The following CLEC7A variants were observed in gnomAD, a reference collection of about 807,000 sequenced individuals.
CLEC7A encodes the protein C-type lectin domain containing 7A, also known as C-type lectin domain family 7 member A.
CLEC7A carries 25 observed loss-of-function variants against 26.9 expected under a neutral mutation model. That is an observed-to-expected ratio of 0.93 (90% CI 0.68 to 1.30). The LOEUF is 1.30. CLEC7A is among the 50% of genes most tolerant of loss of function. The pLI, the probability that CLEC7A is intolerant of heterozygous loss-of-function variation, is 0.00. For synonymous variants in CLEC7A, 100 were observed against 99.5 expected, an observed-to-expected ratio of 1.01 and a Z score of -0.03; for missense variants, 275 against 286.7, an observed-to-expected ratio of 0.96 and a Z score of 0.29.
intron 2 of CLEC7A, 145 bp from the exon 3 acceptor site, chr12:10,126,853 G>T: frequency 3.1e-6 from 2 of 639,858 alleles, no homozygotes; most frequent in Non-Finnish European, 2.5e-6. Context: ...GCTGTGGAGA[G>T]ATAAAGACGA....
At chr12:10,119,175 T>C (rs1488564376) in intron 5 of CLEC7A, among the ~76,000 whole-genome samples, 1 of 152,234 alleles carries the variant, frequency 6.6e-6, no homozygotes, top group Non-Finnish European at 1.5e-5. Flanking sequence ...CAGTTTGGTC[T>C]TCAATCTCCT....
intron 2 of CLEC7A, chr12:10,127,458 A>G (rs567925229): frequency 1.2e-6 from 2 of 1,613,254 alleles, no homozygotes; most frequent in Middle Eastern, 1.6e-4. Context: ...TAAGGGAGGT[A>G]GGAGAGCAAT....
chr12:10,129,253 AT>A (rs1378709310), intron 1 of CLEC7A, among the ~76,000 whole-genome samples: 2 of 152,188 alleles, frequency 1.3e-5, no homozygotes, highest in Non-Finnish European at 2.9e-5. Context: ...CAAAAAAAAA[AT>A]GTTGTTCATA....
At chr12:10,122,484 CTTTTTTTT>C (rs143612827) in intron 5 of CLEC7A, among the ~76,000 whole-genome samples, 2 of 128,844 alleles carry the variant, frequency 1.6e-5, no homozygotes, top group South Asian at 2.6e-4. Flanking sequence ...TTCTTTTTTT[CTTTTTTTT>C]TTTTTTTTTT....
Position 10,123,244 on chromosome 12 carries a change from C to T in CLEC7A, c.611+1G>A. On this transcript the variant is annotated splice_donor_variant, in intron 5 of 5. Coordinates refer to ENST00000304084, the MANE Select transcript of CLEC7A (RefSeq NM_197947.3). LOFTEE classifies it high-confidence loss of function. ...GAAGCATTGTCTCTCCAAACACTTA[C>T]AAGTTAGAAGAGAATGTTGATCCAT... 6.4e-7 allele frequency: 1 copy of T among 1,565,684 alleles called. No individual in the cohort carries two copies. The highest frequency in any genetic ancestry group is 1.1e-5 in the South Asian group (1 of 90,018).
chr12:10,126,529 A>G (rs1948288927), intron 3 of CLEC7A, 42 bp downstream of exon 3: 2 of 1,564,012 alleles, frequency 1.3e-6, no homozygotes, highest in Non-Finnish European at 1.7e-6. Context: ...CCAAGAATTA[A>G]CCCTCTTGAG....
chr12:10,118,444 C>T lies in CLEC7A; in HGVS notation c.*14G>A. 2 of 1,601,584 alleles carry T rather than the reference C, an allele frequency of 1.2e-6. No homozygotes were observed. The highest frequency in any genetic ancestry group is 1.7e-6 in the Non-Finnish European group (2 of 1,169,202). ...CTACCTCACATATTTCTCTCTCCTT[C>T]TCCACCCTTCCTCTTACATTGAAAA... is the stretch of plus-strand genomic sequence containing the variant. On this transcript the variant is annotated 3_prime_UTR_variant, in exon 6 of 6. Coordinates refer to ENST00000304084, the MANE Select transcript of CLEC7A (RefSeq NM_197947.3).
intron 5 of CLEC7A, among the ~76,000 whole-genome samples, chr12:10,122,923 C>T (rs1378477126): frequency 1.3e-5 from 2 of 152,166 alleles, no homozygotes; most frequent in East Asian, 3.8e-4. Flanking sequence ...AACCCATGCT[C>T]TTAACCGGGG....
At chr12:10,127,635 A>T (rs1948336866) in intron 2 of CLEC7A, 112 bp downstream of exon 2, 2 of 948,688 alleles carry the variant, frequency 2.1e-6, no homozygotes, top group East Asian at 5.2e-5. Context: ...ATAAAACCAG[A>T]TTATATACAA....
In CLEC7A at chr12:10,125,402, C is replaced by T. The variant is rs765292086; in HGVS notation, c.387G>A (p.Lys129=). The T allele has an allele frequency of 6.2e-7, 1 of 1,613,254 alleles. No individual in the cohort carries two copies. The highest frequency in any genetic ancestry group is 1.1e-5 in the South Asian group (1 of 91,068). The part of the protein sequence containing the change: ...PCPPNWIIYE[K]SCYLFSMSLN... ...GTGACATGCTGAATAGATAACAGCT[C>T]TTCTCATATATAATCCAATTAGGAG... The change falls in exon 4 of 6, where the codon AAG becomes AAA. Residue 129 remains lysine (K), a synonymous_variant. Coordinates refer to ENST00000304084, the MANE Select transcript of CLEC7A (RefSeq NM_197947.3).
intron 5 of CLEC7A, among the ~76,000 whole-genome samples, chr12:10,121,370 G>A (rs1948080162): frequency 6.6e-6 from 1 of 152,108 alleles, no homozygotes; most frequent in South Asian, 2.1e-4. Context: ...TTATGTGCCT[G>A]ATAACACGGC....
At chr12:10,123,416 GAAAC>G (rs1948164309) in intron 4 of CLEC7A, 53 bp from the exon 5 acceptor site, 2 of 1,014,360 alleles carry the variant, frequency 2.0e-6, no homozygotes, top group Non-Finnish European at 3.1e-6. Context: ...GAGAGAGAAA[GAAAC>G]TATTATCATG....
At chr12:10,126,415 A>C in intron 3 of CLEC7A, 156 bp downstream of exon 3, 1 of 978,238 alleles carries the variant, frequency 1.0e-6, no homozygotes, top group Non-Finnish European at 1.2e-6. Context: ...TATATATGAC[A>C]GGGATACATT....
chr12:10,124,987 A>G (rs892232035), intron 4 of CLEC7A: 1 of 294,942 alleles, frequency 3.4e-6, no homozygotes, highest in Non-Finnish European at 6.6e-6. Context: ...GCTTGTGCCC[A>G]GGATTTTGAG....
chr12:10,120,653 C>T (rs1363035343), intron 5 of CLEC7A, among the ~76,000 whole-genome samples: 1 of 150,560 alleles, frequency 6.6e-6, no homozygotes, highest in African/African-American at 2.4e-5. Context: ...GTATCGAACT[C>T]CAGAGATCAA....
chr12:10,120,090 G>GAA (rs1468948916), intron 5 of CLEC7A, among the ~76,000 whole-genome samples: 2 of 147,954 alleles, frequency 1.4e-5, no homozygotes, highest in Non-Finnish European at 3.0e-5. Context: ...CCACAGATGA[G>GAA]AAAAAATAGA....
Position 10,118,517 on chromosome 12 carries a change from A to G in CLEC7A, c.685T>C (p.Tyr229His). ...NCVWIHVSVI[Y>H]DQLCSVPSYS... The stretch of plus-strand genomic sequence containing the variant: ...GAGGGCACACTACACAGTTGGTCAT[A>G]AATGACTGACACGTGAATCCATACA... The change falls in exon 6 of 6, where the codon TAT (tyrosine) becomes CAT (histidine). Residue 229 changes from tyrosine to histidine, a missense_variant. By Grantham distance (83) the Tyr-to-His change is moderately conservative. Transcript: ENST00000304084. 6.2e-7 allele frequency: 1 copy of G among 1,612,750 alleles called. No homozygotes were observed. Among genetic ancestry groups the G allele is most frequent in the Middle Eastern group, 1.7e-4 (1 of 6,060 alleles).
chr12:10,126,351 C>G (rs1327809782), intron 3 of CLEC7A: 3 of 981,212 alleles, frequency 3.1e-6, no homozygotes, highest in Non-Finnish European at 3.6e-6. Flanking sequence ...TAATAAAGTC[C>G]AATTTAGAAC....
rs1191633386 is a variant in CLEC7A, at chr12:10,125,277, T to C, written c.492+20A>G. 6.2e-7 allele frequency: 1 copy of C among 1,602,140 alleles called. No individual in the cohort carries two copies. Among genetic ancestry groups the C allele is most frequent in the Admixed American group, 1.7e-5 (1 of 59,720 alleles). ...TCAGGATACACACCACAGATAATCATAACAGAAGTCTACACTTACCAATTC... is the reference window on the plus strand; with the variant it reads ...TCAGGATACACACCACAGATAATCACAACAGAAGTCTACACTTACCAATTC... On this transcript the variant is annotated intron_variant, in intron 4 of 5. Coordinates refer to ENST00000304084, the MANE Select transcript of CLEC7A (RefSeq NM_197947.3).
Sources: gnomAD v4.1 joint callset for allele counts (sites outside exome capture counted in the v4.1 genomes callset) on GRCh38, gnomAD v4.1.1 for gene constraint, MANE v1.5 for transcripts, NCBI Gene and HGNC (gene_info 2026-07-23, HGNC 2026-07-21) for gene names.